SEMA5A: variants seen among roughly 807,000 people sequenced by gnomAD.
SEMA5A encodes the protein semaphorin 5A.
A neutral mutation model predicts 135.5 loss-of-function variants in SEMA5A; 55 were observed. The ratio of observed to expected loss-of-function variants is 0.41; its 90% confidence interval spans 0.33 to 0.51. The LOEUF (loss-of-function observed/expected upper bound fraction) is 0.51. SEMA5A is among the 20% of genes least tolerant of loss of function. The pLI is 0.37. For missense variants in SEMA5A, 1,290 were observed against 1,419.9 expected (o/e 0.91, Z 1.47); for synonymous variants, 580 against 546.5 (o/e 1.06, Z -0.85).
intron 1 of SEMA5A, among the ~76,000 whole-genome samples, chr5:9,461,339 G>C (rs969602626): frequency 6.6e-6 from 1 of 152,124 alleles, no homozygotes; most frequent in African/African-American, 2.4e-5. Context: ...TATAACTTAG[G>C]AAAAAGCAAA....
intron 16 of SEMA5A, among the ~76,000 whole-genome samples, chr5:9,068,168 T>C (rs1038469374): frequency 6.6e-6 from 1 of 152,216 alleles, no homozygotes; most frequent in African/African-American, 2.4e-5. Context: ...TCTATCTTTC[T>C]TGTTAGATTG....
chr5:9,501,159 A>T (rs1311638303), intron 1 of SEMA5A, among the ~76,000 whole-genome samples: 2 of 152,246 alleles, frequency 1.3e-5, no homozygotes, highest in Non-Finnish European at 2.9e-5. Flanking sequence ...CAATTAAAAT[A>T]TACTTGGATA....
intron 5 of SEMA5A, among the ~76,000 whole-genome samples, chr5:9,299,790 G>T (rs1292868573): frequency 1.3e-5 from 2 of 152,232 alleles, no homozygotes; most frequent in East Asian, 1.9e-4. Context: ...AACATAGTGT[G>T]CTTACTCCAA....
intron 5 of SEMA5A, among the ~76,000 whole-genome samples, chr5:9,269,738 T>G (rs1054294427): frequency 6.6e-6 from 1 of 152,186 alleles, no homozygotes; most frequent in Non-Finnish European, 1.5e-5. Context: ...AAATATCTAT[T>G]TATATTCTCT....
intron 7 of SEMA5A, 118 bp downstream of exon 7, chr5:9,226,751 C>A (rs758908051): frequency 3.0e-6 from 2 of 672,858 alleles, no homozygotes; most frequent in South Asian, 2.0e-5. Context: ...ACAAAAAGTG[C>A]TTTAGAATTG....
chr5:9,530,466 AAATAAT>A (rs1257446044), intron 1 of SEMA5A, among the ~76,000 whole-genome samples: 2 of 152,224 alleles, frequency 1.3e-5, no homozygotes, highest in African/African-American at 4.8e-5. Context: ...CTGACCAAAT[AAATAAT>A]AAAATGTTCT....
rs1554017498 is a variant in SEMA5A at position 9,305,708 on chromosome 5, G to GTGTATATA, written c.270+12663_270+12664insTATATACA. Among the ~76,000 whole-genome samples, 457 of 139,224 alleles carry GTGTATATA rather than the reference G, an allele frequency of 3.3e-3. 6 individuals carry two copies. The highest frequency in any genetic ancestry group is 0.016 in the South Asian group (67 of 4,266). The allele number at this position is 139,224 out of a possible 152,430, so 91.3% of individuals were successfully genotyped here. A position where few individuals can be genotyped will look rare whatever the true frequency, so the allele number is the denominator to read the frequency against. ...CAGTATATATACTGTGTGTGTGTGC[G>GTGTATATA]TATATATATATATATATATTTACAC... On this transcript the variant is annotated intron_variant, in intron 5 of 22. Coordinates refer to ENST00000382496, the MANE Select transcript of SEMA5A (RefSeq NM_003966.3).
chr5:9,299,164 T>C (rs191626287), intron 5 of SEMA5A, among the ~76,000 whole-genome samples: 1 of 152,242 alleles, frequency 6.6e-6, no homozygotes, highest in Admixed American at 6.5e-5. Context: ...ATCTCAACAG[T>C]CTTAGAGCTG....
intron 3 of SEMA5A, among the ~76,000 whole-genome samples, chr5:9,340,573 A>G (rs1047638130): frequency 6.6e-6 from 1 of 152,206 alleles, no homozygotes; most frequent in Non-Finnish European, 1.5e-5. Flanking sequence ...TACTTCCTAA[A>G]ATACCCTGAA....
chr5:9,530,862 G>C (rs461907), intron 1 of SEMA5A, among the ~76,000 whole-genome samples: 51,896 of 151,918 alleles, frequency 0.34, 9,049 homozygotes, highest in East Asian at 0.4. Context: ...CTACAAAATC[G>C]GAGGGAGAGA....
intron 8 of SEMA5A, among the ~76,000 whole-genome samples, chr5:9,213,101 C>T (rs1489234211): frequency 6.6e-6 from 1 of 152,158 alleles, no homozygotes; most frequent in Non-Finnish European, 1.5e-5. Context: ...GTCTTGTTTA[C>T]TCGGGCACGA....
At chr5:9,185,199 A>AATT in intron 11 of SEMA5A, among the ~76,000 whole-genome samples, 1 of 152,294 alleles carries the variant, frequency 6.6e-6, no homozygotes, top group Middle Eastern at 3.4e-3. Flanking sequence ...AAGTTCTGGG[A>AATT]TTACAGGTGT....
At chr5:9,241,123 T>C (rs904551571) in intron 5 of SEMA5A, among the ~76,000 whole-genome samples, 1 of 152,118 alleles carries the variant, frequency 6.6e-6, no homozygotes, top group Non-Finnish European at 1.5e-5. Flanking sequence ...ATTCAAAGAT[T>C]AGATACAGTA....
At chr5:9,131,494 G>T (rs557251073) in intron 13 of SEMA5A, among the ~76,000 whole-genome samples, 1 of 151,594 alleles carries the variant, frequency 6.6e-6, no homozygotes, top group South Asian at 2.1e-4. Context: ...TGTAGTCCCA[G>T]ATACTCAGGA....
At chr5:9,093,622 G>A (rs1421370268) in intron 16 of SEMA5A, among the ~76,000 whole-genome samples, 2 of 152,026 alleles carry the variant, frequency 1.3e-5, no homozygotes, top group African/African-American at 2.4e-5. Flanking sequence ...CAGGAGAATC[G>A]GTTGAGCTCG....
rs1264587380 is a variant in SEMA5A at position 9,512,716 on chromosome 5, T to C, written c.-175+32868A>G. On this transcript the variant is annotated intron_variant, in intron 1 of 22. Coordinates refer to ENST00000382496, the MANE Select transcript of SEMA5A (RefSeq NM_003966.3). ...CTGTTATGCATCCTGCTTTTCCTTT[T>C]AAGGCATTTTAAATTAAAGGAAGCC... 3.3e-5 allele frequency among the ~76,000 whole-genome samples: 5 copies of C among 152,154 alleles called. No homozygotes were observed. The East Asian group carries it at 9.6e-4, about 29-fold the overall frequency.
intron 16 of SEMA5A, among the ~76,000 whole-genome samples, chr5:9,098,483 C>A (rs914568648): frequency 6.6e-6 from 1 of 152,142 alleles, no homozygotes; most frequent in Non-Finnish European, 1.5e-5. Flanking sequence ...GTCAGCAGCA[C>A]TACAATCAAT....
chr5:9,087,802 A>G (rs1216683982), intron 16 of SEMA5A, among the ~76,000 whole-genome samples: 6 of 152,208 alleles, frequency 3.9e-5, no homozygotes, highest in Non-Finnish European at 2.9e-5. Context: ...GCCCTCTTTC[A>G]GGCCTATAGA....
chr5:9,273,876 T>G (rs2150547559), intron 5 of SEMA5A, among the ~76,000 whole-genome samples: 1 of 152,216 alleles, frequency 6.6e-6, no homozygotes, highest in African/African-American at 2.4e-5. Flanking sequence ...TACCAGCCAC[T>G]GCAAAAACAT....
Sources: allele counts gnomAD v4.1 joint callset (sites outside exome capture counted in the v4.1 genomes callset), GRCh38; gene constraint gnomAD v4.1.1; transcripts MANE v1.5; gene names NCBI Gene and HGNC (gene_info 2026-07-23, HGNC 2026-07-21).